CNBD1: variants seen among roughly 807,000 people sequenced by gnomAD.
CNBD1 encodes the protein cyclic nucleotide binding domain containing 1.
CNBD1 carries 71 observed loss-of-function variants against 54.4 expected under a neutral mutation model. The ratio of observed to expected loss-of-function variants is 1.30; its 90% CI spans 1.08 to 1.59. The LOEUF (loss-of-function observed/expected upper bound fraction) is 1.59, where lower values mean the gene tolerates loss of function less well. Among genes scored for constraint, CNBD1 ranks in the 40% most tolerant of loss-of-function variants. The pLI is 0.00. For missense variants in CNBD1, 659 were observed against 518.0 expected (o/e 1.27, Z -2.64); for synonymous variants, 182 against 170.7 (o/e 1.07, Z -0.51).
At chr8:87,239,902 T>G (rs1807659372) in intron 6 of CNBD1, among the ~76,000 whole-genome samples, 1 of 152,024 alleles carries the variant, frequency 6.6e-6, no homozygotes. Flanking sequence ...AGATAAAAAA[T>G]TACACATTTA....
intron 8 of CNBD1, among the ~76,000 whole-genome samples, chr8:87,288,904 G>A (rs546121047): frequency 2.4e-4 from 36 of 152,160 alleles, no homozygotes; most frequent in Admixed American, 1.7e-3. Flanking sequence ...AAAGACTGTA[G>A]TTTTTATAAA....
intron 8 of CNBD1, among the ~76,000 whole-genome samples, chr8:87,340,886 T>A (rs1810050769): frequency 1.3e-5 from 2 of 152,172 alleles, no homozygotes; most frequent in South Asian, 4.1e-4. Flanking sequence ...ATTTCTTTAG[T>A]GTCAGTTTCT....
chr8:87,417,254 T>A (rs1392689837), intron 2 of CNBD1, among the ~76,000 whole-genome samples: 1 of 151,860 alleles, frequency 6.6e-6, no homozygotes, highest in South Asian at 2.1e-4. Context: ...CTGCCCTTCA[T>A]AAAACCATCA....
At chr8:86,905,260 G>A (rs757938355) in intron 3 of CNBD1, 66 bp downstream of exon 3, 64 of 904,676 alleles carry the variant, frequency 7.1e-5, no homozygotes, top group Non-Finnish European at 1.1e-4. Context: ...GCTCACACAA[G>A]TTGAACTCAA....
chr8:87,201,274 C>T (rs996920728), intron 4 of CNBD1, among the ~76,000 whole-genome samples: 2 of 152,134 alleles, frequency 1.3e-5, no homozygotes, highest in Admixed American at 6.5e-5. Context: ...GGAAAACTCA[C>T]AGCTAACTTG....
intron 6 of CNBD1, among the ~76,000 whole-genome samples, chr8:87,277,875 A>T (rs139676840): frequency 5.3e-5 from 8 of 151,752 alleles, no homozygotes; most frequent in Non-Finnish European, 7.4e-5. Context: ...TTTTTTATAA[A>T]CAATAAAAAA....
intron 4 of CNBD1, among the ~76,000 whole-genome samples, chr8:87,134,179 C>A (rs996349281): frequency 2.0e-5 from 3 of 152,022 alleles, no homozygotes; most frequent in Non-Finnish European, 4.4e-5. Flanking sequence ...AATGTAAATG[C>A]AAAGTATTTG....
intron 8 of CNBD1, among the ~76,000 whole-genome samples, chr8:87,305,856 A>C (rs1809129865): frequency 6.6e-6 from 1 of 152,218 alleles, no homozygotes; most frequent in Non-Finnish European, 1.5e-5. Flanking sequence ...CAAGGATTTC[A>C]TGACCAAGAA....
At chr8:86,892,236 G>C (rs1808778758) in intron 2 of CNBD1, among the ~76,000 whole-genome samples, 1 of 151,952 alleles carries the variant, frequency 6.6e-6, no homozygotes, top group Non-Finnish European at 1.5e-5. Flanking sequence ...CATTCCTTCT[G>C]TTGAGGGTTT....
intron 8 of CNBD1, among the ~76,000 whole-genome samples, chr8:87,333,735 T>G (rs979303401): frequency 2.0e-5 from 3 of 152,216 alleles, no homozygotes; most frequent in Non-Finnish European, 1.5e-5. Flanking sequence ...TCATGGTGGA[T>G]AAGCTTTTTG....
At chr8:87,228,140 T>G (rs1814553944) in intron 5 of CNBD1, among the ~76,000 whole-genome samples, 1 of 150,670 alleles carries the variant, frequency 6.6e-6, no homozygotes, top group African/African-American at 2.5e-5. Context: ...TTATACATTC[T>G]TCTAAATTTT....
At chr8:87,074,448 CT>C (rs1198908941) in intron 4 of CNBD1, among the ~76,000 whole-genome samples, 1 of 152,064 alleles carries the variant, frequency 6.6e-6, no homozygotes, top group Non-Finnish European at 1.5e-5. Flanking sequence ...GATCTCCCAC[CT>C]TTTTGGGGAT....
At chr8:87,286,768 C>A in intron 8 of CNBD1, 97 bp downstream of exon 8, 1 of 804,470 alleles carries the variant, frequency 1.2e-6, no homozygotes, top group Non-Finnish European at 2.0e-6. Flanking sequence ...AATATTTCTT[C>A]ATATAAATAT....
chr8:87,369,779 G>A (rs1005189226), intron 10 of CNBD1, among the ~76,000 whole-genome samples: 16 of 151,678 alleles, frequency 1.1e-4, no homozygotes, highest in African/African-American at 3.4e-4. Flanking sequence ...ACAATGTGCC[G>A]GTTAGTTACA....
At chr8:87,087,463 CTTTTT>C (rs758497467) in intron 4 of CNBD1, among the ~76,000 whole-genome samples, 4 of 127,912 alleles carry the variant, frequency 3.1e-5, no homozygotes, top group Non-Finnish European at 3.3e-5. Flanking sequence ...GAAGTACATT[CTTTTT>C]TTTTTTTTTT....
intron 2 of CNBD1, chr8:87,428,501 TA>T (rs200563126): frequency 0.026 from 9,431 of 356,406 alleles, 158 homozygotes; most frequent in Non-Finnish European, 0.037. Context: ...TTATGAAGAT[TA>T]TTTTTTTATG....
At chr8:87,370,395 C>G (rs1455038613) in intron 10 of CNBD1, among the ~76,000 whole-genome samples, 1 of 152,074 alleles carries the variant, frequency 6.6e-6, no homozygotes, top group Non-Finnish European at 1.5e-5. Context: ...CCTGTTGTTT[C>G]CTGACTTTTT....
At chr8:87,388,804 A>G (rs1248924324) in intron 2 of CNBD1, among the ~76,000 whole-genome samples, 1 of 152,230 alleles carries the variant, frequency 6.6e-6, no homozygotes, top group African/African-American at 2.4e-5. Context: ...ACAAAAAAAG[A>G]CAATTTTAGA....
intron 8 of CNBD1, among the ~76,000 whole-genome samples, chr8:87,322,082 C>T (rs538005560): frequency 6.9e-5 from 9 of 129,874 alleles, no homozygotes; most frequent in African/African-American, 2.8e-4. Context: ...CGATAGTTTA[C>T]TGAGAATGAT....
Sources: gnomAD v4.1 joint callset for allele counts (sites outside exome capture counted in the v4.1 genomes callset) on GRCh38, gnomAD v4.1.1 for gene constraint, MANE v1.5 for transcripts, NCBI Gene and HGNC (gene_info 2026-07-23, HGNC 2026-07-21) for gene names.